Variants in CNTNAP5 observed in about 807,000 individuals in gnomAD.
The protein encoded by CNTNAP5 is contactin-associated protein-like 5.
Under a neutral mutation model 150.2 loss-of-function variants are expected in CNTNAP5, and 72 were observed. That is an observed-to-expected ratio of 0.48 (90% CI 0.40 to 0.58). The LOEUF is 0.58. CNTNAP5 is among the 20% of genes least tolerant of loss of function. The pLI, the probability that CNTNAP5 is intolerant of heterozygous loss-of-function variation, is 0.00. For missense variants in CNTNAP5, 1,636 were observed against 1,626.2 expected (o/e 1.01, Z -0.10); for synonymous variants, 672 against 619.8 (o/e 1.08, Z -1.25).
intron 3 of CNTNAP5, among the ~76,000 whole-genome samples, chr2:124,343,869 C>G (rs945263251): frequency 6.6e-6 from 1 of 152,308 alleles, no homozygotes; most frequent in Middle Eastern, 3.4e-3. Flanking sequence ...CTGGTGAAAG[C>G]TTTCCTGCTG....
At chr2:124,425,661 C>T (rs191636886) in intron 4 of CNTNAP5, among the ~76,000 whole-genome samples, 2 of 138,512 alleles carry the variant, frequency 1.4e-5, no homozygotes, top group African/African-American at 5.3e-5. Context: ...TTATTTATAG[C>T]TCCCCTTTTC....
At chr2:124,115,976 A>G (rs1045267907) in intron 1 of CNTNAP5, among the ~76,000 whole-genome samples, 15 of 152,156 alleles carry the variant, frequency 9.9e-5, no homozygotes, top group African/African-American at 3.4e-4. Context: ...GCTGGTTGGT[A>G]AAGCTCAATG....
chr2:124,719,506 G>T (rs1225037018), intron 13 of CNTNAP5, among the ~76,000 whole-genome samples: 1 of 152,132 alleles, frequency 6.6e-6, no homozygotes, highest in African/African-American at 2.4e-5. Context: ...TTCATTCTGA[G>T]ATCTGGTGTA....
chr2:124,391,722 G>T (rs1218843587), intron 3 of CNTNAP5, among the ~76,000 whole-genome samples: 1 of 152,212 alleles, frequency 6.6e-6, no homozygotes, highest in Non-Finnish European at 1.5e-5. Flanking sequence ...TTGGGAGGCC[G>T]AGGCGGGCGG....
chr2:124,296,520 A>G (rs1445603484), intron 3 of CNTNAP5, among the ~76,000 whole-genome samples: 2 of 152,128 alleles, frequency 1.3e-5, no homozygotes, highest in Non-Finnish European at 2.9e-5. Context: ...CTACCCTCTT[A>G]TACATGTACA....
rs116404401 is a variant in CNTNAP5, at chr2:124,720,721, A to G, written c.2078-26508A>G. 3.2e-3 allele frequency among the ~76,000 whole-genome samples: 494 copies of G among 152,296 alleles called. 4 individuals are homozygous for G. The highest frequency in any genetic ancestry group is 0.011 in the African/African-American group (458 of 41,570). ...ACAACACTCAGAAATTAAAATGTCAACTTTGAATCAATTTGCTATAGCAAA... is the reference window on the plus strand; with the variant it reads ...ACAACACTCAGAAATTAAAATGTCAGCTTTGAATCAATTTGCTATAGCAAA... On this transcript the variant is annotated intron_variant, in intron 13 of 23. Transcript: ENST00000682447.
At chr2:124,417,625 G>C (rs1364002331) in intron 4 of CNTNAP5, 35 bp downstream of exon 4, 2 of 1,591,562 alleles carry the variant, frequency 1.3e-6, no homozygotes, top group Non-Finnish European at 1.7e-6. Flanking sequence ...CCATTGCTGA[G>C]TGTGAGTGGC....
intron 6 of CNTNAP5, among the ~76,000 whole-genome samples, chr2:124,468,962 C>G (rs192302936): frequency 3.3e-5 from 5 of 152,334 alleles, no homozygotes; most frequent in Admixed American, 2.0e-4. Flanking sequence ...TGAGACAGCT[C>G]TAACAGGCTT....
At chr2:124,319,344 A>G (rs1447382399) in intron 3 of CNTNAP5, among the ~76,000 whole-genome samples, 6 of 152,250 alleles carry the variant, frequency 3.9e-5, no homozygotes, top group Non-Finnish European at 5.9e-5. Context: ...TCTCCATGAT[A>G]TTAATGAAGG....
chr2:124,301,575 A>G (rs1688568352), intron 3 of CNTNAP5, among the ~76,000 whole-genome samples: 1 of 152,100 alleles, frequency 6.6e-6, no homozygotes, highest in Admixed American at 6.5e-5. Flanking sequence ...TGTACATTAT[A>G]CTCCACAAAA....
intron 1 of CNTNAP5, among the ~76,000 whole-genome samples, chr2:124,109,850 C>A (rs532434151): frequency 6.6e-6 from 1 of 152,306 alleles, no homozygotes. Flanking sequence ...GCACTTTATT[C>A]TGGTTTTTGA....
chr2:124,878,238 C>T (rs1261138492), intron 21 of CNTNAP5, among the ~76,000 whole-genome samples: 1 of 152,084 alleles, frequency 6.6e-6, no homozygotes, highest in African/African-American at 2.4e-5. Context: ...TCTTGTAAGT[C>T]AGGCTTTGGA....
intron 1 of CNTNAP5, among the ~76,000 whole-genome samples, chr2:124,163,861 A>G (rs547029919): frequency 0.052 from 561 of 10,760 alleles, 1 homozygote; most frequent in Non-Finnish European, 0.32. Flanking sequence ...GCATGCCTCT[A>G]AGAAAAAAAA....
At chr2:124,339,988 A>C (rs1346144061) in intron 3 of CNTNAP5, among the ~76,000 whole-genome samples, 7 of 152,184 alleles carry the variant, frequency 4.6e-5, no homozygotes, top group African/African-American at 1.7e-4. Flanking sequence ...TGTTATCTAC[A>C]GGAACATTGG....
chr2:124,252,370 C>T (rs1329150484), intron 3 of CNTNAP5, among the ~76,000 whole-genome samples: 1 of 152,130 alleles, frequency 6.6e-6, no homozygotes, highest in Non-Finnish European at 1.5e-5. Context: ...ATCCCTCAAA[C>T]CCAGAAATGC....
intron 3 of CNTNAP5, among the ~76,000 whole-genome samples, chr2:124,346,053 A>T (rs1689730100): frequency 7.6e-6 from 1 of 132,294 alleles, no homozygotes; most frequent in Non-Finnish European, 1.6e-5. Context: ...TTTTGCTATC[A>T]TAATAAAGTG....
intron 12 of CNTNAP5, among the ~76,000 whole-genome samples, chr2:124,644,935 G>C (rs1173412698): frequency 6.6e-6 from 1 of 151,942 alleles, no homozygotes; most frequent in Non-Finnish European, 1.5e-5. Flanking sequence ...CACTGTGTGT[G>C]GTGGATTATT....
intron 1 of CNTNAP5, among the ~76,000 whole-genome samples, chr2:124,194,405 ATATAT>A: frequency 1.6e-4 from 1 of 6,090 alleles, no homozygotes; most frequent in South Asian, 9.4e-3. Context: ...ATATATATAT[ATATAT>A]AAATATAAAT....
At chr2:124,637,361 C>G (rs182535671) in intron 12 of CNTNAP5, among the ~76,000 whole-genome samples, 2 of 152,240 alleles carry the variant, frequency 1.3e-5, no homozygotes, top group Admixed American at 1.3e-4. Flanking sequence ...ATATCCCATA[C>G]TTTGGATATT....
Sources: allele counts gnomAD v4.1 joint callset (sites outside exome capture counted in the v4.1 genomes callset), GRCh38; gene constraint gnomAD v4.1.1; transcripts MANE v1.5; gene names NCBI Gene and HGNC (gene_info 2026-07-23, HGNC 2026-07-21).